ABCA4: variants seen among roughly 807,000 people sequenced by gnomAD.
ABCA4 encodes ATP binding cassette subfamily A member 4, also known as retinal-specific phospholipid-transporting ATPase ABCA4.
ABCA4 carries 196 observed loss-of-function variants against 263.7 expected under a neutral mutation model. That is an observed-to-expected ratio of 0.74 (90% CI 0.66 to 0.84). The LOEUF is 0.84. Ranked by LOEUF, ABCA4 falls within the 40% of genes least tolerant of loss-of-function variation. ABCA4 has a pLI of 0.00. For missense variants in ABCA4, 2,792 were observed against 2,855.1 expected (o/e 0.98, Z 0.50); for synonymous variants, 1,133 against 1,094.2 (o/e 1.04, Z -0.70).
chr1:94,037,880 G>C (rs925886887), intron 24 of ABCA4, among the ~76,000 whole-genome samples: 1 of 152,088 alleles, frequency 6.6e-6, no homozygotes, highest in African/African-American at 2.4e-5. Flanking sequence ...TCTTACTCAT[G>C]GTTGTTTTTC....
intron 29 of ABCA4, 36 bp downstream of exon 29, chr1:94,030,392 C>G (rs759714094): frequency 6.3e-7 from 1 of 1,598,842 alleles, no homozygotes; most frequent in Admixed American, 1.7e-5. Context: ...CCCAGGGGAG[C>G]TAGTCTTCTT....
chr1:94,023,339 C>A, intron 32 of ABCA4, 47 bp downstream of exon 32: 1 of 1,494,552 alleles, frequency 6.7e-7, no homozygotes. Flanking sequence ...ATTATTTCAA[C>A]AATGAATCAA....
intron 36 of ABCA4, among the ~76,000 whole-genome samples, chr1:94,017,433 G>C (rs1242221152): frequency 1.3e-5 from 2 of 152,204 alleles, no homozygotes; most frequent in African/African-American, 2.4e-5. Flanking sequence ...AAAATAACCA[G>C]CCTGCAGTCC....
At chr1:94,012,474 A>T (rs1659573807) in intron 38 of ABCA4, among the ~76,000 whole-genome samples, 1 of 152,126 alleles carries the variant, frequency 6.6e-6, no homozygotes. Context: ...TTTTTTAAAA[A>T]TCTGCCTACT....
chr1:94,047,110 TG>T lies in ABCA4; in HGVS notation c.2744-18del. 1 of 1,613,516 alleles carries T rather than the reference TG, an allele frequency of 6.2e-7. No individual in the cohort carries two copies. The highest frequency in any genetic ancestry group is 1.1e-5 in the South Asian group (1 of 91,064). ...AGAAGGAGTCTTGGAGGAAAAAAAA[TG>T]AACATGATGTAAACATAATGCCTAA... On this transcript the variant is annotated intron_variant, in intron 18 of 49. Coordinates refer to ENST00000370225, the MANE Select transcript of ABCA4 (RefSeq NM_000350.3).
In ABCA4 at chr1:94,119,791, C is replaced by A. The variant is rs1053349592; in HGVS notation, c.66+1189G>T. ...TTTTCATATTAAACTCTAAGGAGAC[C>A]CTAACTGAGACACTCATTCATAGGC... On this transcript the variant is annotated intron_variant, in intron 1 of 49. Transcript: ENST00000370225. Among the ~76,000 whole-genome samples, 4 of 152,232 alleles carry A rather than the reference C, an allele frequency of 2.6e-5. No homozygotes were observed. The East Asian group carries it at 7.7e-4, about 29-fold the overall frequency.
chr1:94,026,575 C>T (rs1009121417), intron 30 of ABCA4, among the ~76,000 whole-genome samples: 49 of 152,188 alleles, frequency 3.2e-4, no homozygotes, highest in African/African-American at 9.7e-4. Context: ...ACTCAGACAC[C>T]GGCCAAGCTC....
chr1:94,056,802 G>A lies in ABCA4; in HGVS notation c.2181C>T (p.Tyr727=), dbSNP rs760048798. 6.2e-7 allele frequency: 1 copy of A among 1,607,792 alleles called. No homozygotes were observed. ...IFIMHGRILH[Y]SDPFILFLFL... The stretch of plus-strand genomic sequence containing the variant: ...ACAGGAAGAGGATGAATGGGTCGCT[G>A]TAATGTAGGATTCTTCCATGCTGAA... Residue 727 remains tyrosine, a synonymous_variant, in exon 15 of 50, where the codon TAC becomes TAT. Coordinates refer to ENST00000370225, the MANE Select transcript of ABCA4 (RefSeq NM_000350.3).
rs151089664 is a variant in ABCA4, at chr1:94,063,267, G to A, written c.1605C>T (p.Thr535=). Residue 535 remains threonine, a synonymous_variant, in exon 12 of 50, where the codon ACC becomes ACT. Coordinates refer to ENST00000370225, the MANE Select transcript of ABCA4 (RefSeq NM_000350.3). ...CCTCCAGTAGAGAGAGGGCACGTTG[G>A]GTGAGCTGAGTTTCATCATTGTAGC... is the stretch of plus-strand genomic sequence containing the variant. The part of the protein sequence containing the change: ...FESYNDETQL[T]QRALSLLEEN... 394 of 1,614,008 alleles carry A rather than the reference G, an allele frequency of 2.4e-4. No individual in the cohort carries two copies. Among genetic ancestry groups the A allele is most frequent in the Non-Finnish European group, 2.8e-4 (334 of 1,180,044 alleles).
rs140482171 is a variant in ABCA4, at chr1:94,077,712, C to T, written c.1532G>A (p.Arg511His). The change falls in exon 11 of 50, where the codon CGC (arginine) becomes CAC (histidine). Residue 511 changes from arginine to histidine, a missense_variant. By Grantham distance (29) the Arg-to-His change is conservative. Transcript: ENST00000370225. Reference sequence around the variant, plus strand: ...TACCTCCAGGTATTGATTGACCAGGCGGAGGGTGCGATCAGTGATGTTAAA... The same window carrying T: ...TACCTCCAGGTATTGATTGACCAGGTGGAGGGTGCGATCAGTGATGTTAAA... ...DIFNITDRTL[R>H]LVNQYLECLV... 1,293 of 1,613,274 alleles carry T rather than the reference C, an allele frequency of 8.0e-4. 8 individuals are homozygous for T. Among genetic ancestry groups the T allele is most frequent in the South Asian group, 4.6e-3 (417 of 90,922 alleles).
chr1:94,108,184 G>C (rs1387453700), intron 4 of ABCA4, among the ~76,000 whole-genome samples: 2 of 152,124 alleles, frequency 1.3e-5, no homozygotes, highest in Non-Finnish European at 2.9e-5. Context: ...ATGATAGTTG[G>C]CCTTGCTGCT....
chr1:94,056,534 T>C, intron 15 of ABCA4, 67 bp downstream of exon 15: 1 of 1,530,354 alleles, frequency 6.5e-7, no homozygotes, highest in Non-Finnish European at 9.0e-7. Context: ...AGGCTGGGCC[T>C]CCAGGACTGC....
At chr1:94,039,915 C>G in intron 24 of ABCA4, 128 bp downstream of exon 24, 2 of 787,020 alleles carry the variant, frequency 2.5e-6, no homozygotes, top group Non-Finnish European at 4.4e-6. Context: ...AAAAGAACAA[C>G]TGTGTGACCT....
chr1:93,998,455 T>C (rs1440442508), intron 47 of ABCA4, among the ~76,000 whole-genome samples: 1 of 152,066 alleles, frequency 6.6e-6, no homozygotes. Context: ...CACTCCAGCC[T>C]GGGTGACAGA....
intron 14 of ABCA4, among the ~76,000 whole-genome samples, chr1:94,060,158 G>A (rs1224583780): frequency 1.3e-5 from 2 of 152,240 alleles, no homozygotes; most frequent in African/African-American, 4.8e-5. Flanking sequence ...AGTTAAAATT[G>A]TAAGCCCAGG....
At chr1:94,005,860 G>C (rs1659364536) in intron 43 of ABCA4, among the ~76,000 whole-genome samples, 1 of 152,202 alleles carries the variant, frequency 6.6e-6, no homozygotes, top group Non-Finnish European at 1.5e-5. Flanking sequence ...CACCTCACAT[G>C]TGAGTTTAAA....
intron 1 of ABCA4, among the ~76,000 whole-genome samples, chr1:94,114,830 A>G (rs1278123749): frequency 6.6e-6 from 1 of 151,872 alleles, no homozygotes; most frequent in Non-Finnish European, 1.5e-5. Context: ...CAGGTTCATC[A>G]CTCCTCCAAG....
At chr1:94,111,711 A>G (rs1214196412) in intron 2 of ABCA4, 132 bp from the exon 3 acceptor site, 1 of 1,112,508 alleles carries the variant, frequency 9.0e-7, no homozygotes, top group East Asian at 2.4e-5. Flanking sequence ...GCATTTAAGA[A>G]GCAGGAGCAT....
chr1:94,024,745 C>G (rs1659988989), intron 31 of ABCA4, among the ~76,000 whole-genome samples: 2 of 151,940 alleles, frequency 1.3e-5, no homozygotes, highest in Admixed American at 1.3e-4. Context: ...AACAAACAAA[C>G]AACAAAAAAA....
Sources: allele counts gnomAD v4.1 joint callset (sites outside exome capture counted in the v4.1 genomes callset), GRCh38; gene constraint gnomAD v4.1.1; transcripts MANE v1.5; gene names NCBI Gene and HGNC (gene_info 2026-07-23, HGNC 2026-07-21).